HS3ST4: variants seen among roughly 807,000 people sequenced by gnomAD.
The protein encoded by HS3ST4 is heparan sulfate glucosamine 3-O-sulfotransferase 4.
A neutral mutation model predicts 29.2 loss-of-function variants in HS3ST4; 17 were observed. That is an observed-to-expected ratio of 0.58 (90% CI 0.40 to 0.87). The LOEUF (loss-of-function observed/expected upper bound fraction) is 0.87, where lower values mean the gene tolerates loss of function less well. Among genes scored for constraint, HS3ST4 ranks in the 40% least tolerant of loss-of-function variants. The probability of loss-of-function intolerance (pLI) is 0.00; values close to 1 mark genes in which losing one functional copy is unlikely to be tolerated. For missense variants in HS3ST4, 627 were observed against 634.5 expected, an observed-to-expected ratio of 0.99 and a Z score of 0.13; for synonymous variants, 314 against 285.7, an observed-to-expected ratio of 1.10 and a Z score of -1.00.
At chr16:26,034,475 A>G (rs1314658070) in intron 1 of HS3ST4, among the ~76,000 whole-genome samples, 1 of 152,206 alleles carries the variant, frequency 6.6e-6, no homozygotes, top group Non-Finnish European at 1.5e-5. Context: ...TATGTGCCAT[A>G]CAGAGAAAGT....
At chr16:25,816,898 A>T (rs998517856) in intron 1 of HS3ST4, among the ~76,000 whole-genome samples, 1 of 152,138 alleles carries the variant, frequency 6.6e-6, no homozygotes, top group Non-Finnish European at 1.5e-5. Context: ...AAAGCCACCA[A>T]TCCCACTCCC....
chr16:25,839,147 T>A (rs1967389592), intron 1 of HS3ST4, among the ~76,000 whole-genome samples: 1 of 152,250 alleles, frequency 6.6e-6, no homozygotes, highest in Non-Finnish European at 1.5e-5. Context: ...TCCTTGGTAT[T>A]GATCCTTTAA....
intron 1 of HS3ST4, among the ~76,000 whole-genome samples, chr16:26,109,119 C>T (rs940020213): frequency 4.6e-5 from 7 of 152,130 alleles, no homozygotes; most frequent in African/African-American, 9.7e-5. Context: ...AAGAAATGCT[C>T]GTTCAATGCA....
At chr16:26,068,376 A>G (rs1898564822) in intron 1 of HS3ST4, among the ~76,000 whole-genome samples, 1 of 152,194 alleles carries the variant, frequency 6.6e-6, no homozygotes, top group African/African-American at 2.4e-5. Flanking sequence ...TGTCAGCTAT[A>G]TTAAAAAGTT....
At chr16:25,779,476 A>G (rs1328338327) in intron 1 of HS3ST4, among the ~76,000 whole-genome samples, 1 of 152,158 alleles carries the variant, frequency 6.6e-6, no homozygotes, top group Admixed American at 6.5e-5. Context: ...TCGTTTGCTC[A>G]TTTATTCATT....
intron 1 of HS3ST4, among the ~76,000 whole-genome samples, chr16:25,891,334 A>G (rs1284449127): frequency 1.3e-5 from 2 of 152,200 alleles, no homozygotes; most frequent in Non-Finnish European, 2.9e-5. Flanking sequence ...TTTTAGGCTT[A>G]CATATTCTGT....
intron 1 of HS3ST4, among the ~76,000 whole-genome samples, chr16:25,773,045 G>A (rs1163285295): frequency 6.6e-6 from 1 of 152,122 alleles, no homozygotes; most frequent in African/African-American, 2.4e-5. Flanking sequence ...GAAGAAATTG[G>A]ATCAGACAAC....
At chr16:25,774,853 C>T (rs1426048134) in intron 1 of HS3ST4, among the ~76,000 whole-genome samples, 1 of 152,210 alleles carries the variant, frequency 6.6e-6, no homozygotes, top group Admixed American at 6.5e-5. Flanking sequence ...CCACAATGCA[C>T]TCTTCACCCA....
At chr16:25,865,282 T>C (rs1967682789) in intron 1 of HS3ST4, among the ~76,000 whole-genome samples, 1 of 152,202 alleles carries the variant, frequency 6.6e-6, no homozygotes, top group South Asian at 2.1e-4. Flanking sequence ...TGCACAGGGT[T>C]CCCTTTTCTT....
chr16:25,733,856 C>T (rs1025782697), intron 1 of HS3ST4, among the ~76,000 whole-genome samples: 3 of 152,134 alleles, frequency 2.0e-5, no homozygotes, highest in Non-Finnish European at 4.4e-5. Context: ...CAGTGGCTCA[C>T]GCCTGTAATC....
intron 1 of HS3ST4, among the ~76,000 whole-genome samples, chr16:25,970,967 C>T (rs938400371): frequency 2.8e-4 from 42 of 152,206 alleles, no homozygotes; most frequent in African/African-American, 9.9e-4. Context: ...TCTCCTGTCT[C>T]AGCCTCCTGA....
At chr16:25,795,944 C>CTT (rs145351874) in intron 1 of HS3ST4, among the ~76,000 whole-genome samples, 2 of 149,690 alleles carry the variant, frequency 1.3e-5, no homozygotes, top group African/African-American at 4.9e-5. Context: ...TGTCAAAACT[C>CTT]TTTTTTTTTT....
rs9925237 is a variant in HS3ST4, at chr16:25,790,369, A to T, written c.734+97218A>T. Reference sequence around the variant, plus strand: ...GGTTGCAGTGAGCCGAGATCGCACCATTGCACTCCAGCCCGGGCAACAGAG... The same window carrying T: ...GGTTGCAGTGAGCCGAGATCGCACCTTTGCACTCCAGCCCGGGCAACAGAG... On this transcript the variant is annotated intron_variant, in intron 1 of 1. Coordinates refer to ENST00000331351, the MANE Select transcript of HS3ST4 (RefSeq NM_006040.3). Among the ~76,000 whole-genome samples, 634 of 152,350 alleles carry T rather than the reference A, an allele frequency of 4.2e-3. 5 individuals are homozygous for T. The highest frequency in any genetic ancestry group is 0.014 in the African/African-American group (597 of 41,584).
At chr16:25,902,964 T>C (rs1303572976) in intron 1 of HS3ST4, among the ~76,000 whole-genome samples, 22 of 148,276 alleles carry the variant, frequency 1.5e-4, no homozygotes, top group East Asian at 8.0e-4. Flanking sequence ...CTGGGCATGG[T>C]GGCATGAGAT....
intron 1 of HS3ST4, among the ~76,000 whole-genome samples, chr16:25,783,704 C>A (rs534148700): frequency 6.6e-6 from 1 of 152,222 alleles, no homozygotes; most frequent in Non-Finnish European, 1.5e-5. Flanking sequence ...GTAAAATATA[C>A]AAAACATTAA....
At chr16:25,959,040 G>T (rs1340197772) in intron 1 of HS3ST4, among the ~76,000 whole-genome samples, 1 of 152,196 alleles carries the variant, frequency 6.6e-6, no homozygotes, top group African/African-American at 2.4e-5. Flanking sequence ...TAATCATAAG[G>T]TCACCACATG....
At chr16:25,963,702 T>C (rs1968816048) in intron 1 of HS3ST4, among the ~76,000 whole-genome samples, 1 of 152,254 alleles carries the variant, frequency 6.6e-6, no homozygotes, top group Non-Finnish European at 1.5e-5. Context: ...TAGCTCTACA[T>C]TCTTGTCCTT....
chr16:25,822,470 T>G (rs1295620315), intron 1 of HS3ST4, among the ~76,000 whole-genome samples: 1 of 152,188 alleles, frequency 6.6e-6, no homozygotes, highest in Non-Finnish European at 1.5e-5. Flanking sequence ...CAGCTACTCC[T>G]AGACTTTATT....
rs143901380 is a variant in HS3ST4, at chr16:26,081,156, G to A, written c.735-54456G>A. 5.0e-3 allele frequency among the ~76,000 whole-genome samples: 757 copies of A among 152,074 alleles called. 8 individuals are homozygous for A. Among genetic ancestry groups the A allele is most frequent in the African/African-American group, 0.017 (708 of 41,484 alleles). On this transcript the variant is annotated intron_variant, in intron 1 of 1. Transcript: ENST00000331351. ...ACAAAAATTAGCTGGACACTGTGGC[G>A]TTTTCCTGTAGTCCCAGCTATTTGG... is the stretch of plus-strand genomic sequence containing the variant.
Sources: allele counts gnomAD v4.1 joint callset (sites outside exome capture counted in the v4.1 genomes callset), GRCh38; gene constraint gnomAD v4.1.1; transcripts MANE v1.5; gene names NCBI Gene and HGNC (gene_info 2026-07-23, HGNC 2026-07-21).